FBXL20: variants seen among roughly 807,000 people sequenced by gnomAD.
FBXL20 encodes the protein F-box/LRR-repeat protein 20.
A neutral mutation model predicts 64.0 loss-of-function variants in FBXL20; 11 were observed. That is an observed-to-expected ratio of 0.17 (90% CI 0.11 to 0.28). The LOEUF is 0.28. Among genes scored for constraint, FBXL20 ranks in the 10% least tolerant of loss-of-function variants. The pLI, the probability that FBXL20 is intolerant of heterozygous loss-of-function variation, is 1.00. For synonymous variants in FBXL20, 184 were observed against 189.0 expected (o/e 0.97, Z 0.22); for missense variants, 303 against 526.2 (o/e 0.58, Z 4.15).
intron 6 of FBXL20, among the ~76,000 whole-genome samples, chr17:39,289,521 G>A (rs2047018345): frequency 6.6e-6 from 1 of 152,052 alleles, no homozygotes; most frequent in Non-Finnish European, 1.5e-5. Context: ...GCCAGGCATG[G>A]TGACACACAC....
rs183620667 is a variant in FBXL20 at position 39,341,321 on chromosome 17, T to C, written c.104+1859A>G. Among the ~76,000 whole-genome samples, 383 of 152,298 alleles carry C rather than the reference T, an allele frequency of 2.5e-3. 3 individuals carry two copies. Among genetic ancestry groups the C allele is most frequent in the African/African-American group, 8.8e-3 (365 of 41,570 alleles). ...AGCTTAGAAAGGAACCAATTTAACC[T>C]ATAATGTATATAAGAGTTATTCCAA... On this transcript the variant is annotated intron_variant, in intron 2 of 14. Transcript: ENST00000264658.
chr17:39,276,664 C>G (rs1175759205), intron 9 of FBXL20, among the ~76,000 whole-genome samples: 1 of 151,498 alleles, frequency 6.6e-6, no homozygotes, highest in African/African-American at 2.4e-5. Context: ...CTCAGCCTCC[C>G]AAAGTGCTGG....
At chr17:39,266,065 C>CTTT (rs34822405) in intron 12 of FBXL20, among the ~76,000 whole-genome samples, 7 of 62,724 alleles carry the variant, frequency 1.1e-4, no homozygotes, top group Admixed American at 2.1e-4. Flanking sequence ...CTCATTCATT[C>CTTT]TTTTTTTTTT....
intron 10 of FBXL20, 88 bp downstream of exon 10, chr17:39,274,882 C>A (rs1225284307): frequency 4.5e-6 from 7 of 1,568,092 alleles, no homozygotes; most frequent in Non-Finnish European, 6.1e-6. Flanking sequence ...GCAGTGCCTA[C>A]CTTAAAATTC....
At position 39,268,813 on chromosome 17, in the gene FBXL20, ATC is replaced by A. The variant is rs1385300408; in HGVS notation, c.933+12_933+13del. ...TACTATACTGTATTTCTGAATTAAA[ATC>A]TACAATCTTACCTGAACACACTCTT... On this transcript the variant is annotated intron_variant, in intron 12 of 14. Coordinates refer to ENST00000264658, the MANE Select transcript of FBXL20 (RefSeq NM_032875.3). The A allele has an allele frequency of 4.3e-6, 7 of 1,609,608 alleles. No homozygotes were observed. Among genetic ancestry groups the A allele is most frequent in the Non-Finnish European group, 5.9e-6 (7 of 1,176,554 alleles).
chr17:39,262,213 C>A (rs553778085), intron 14 of FBXL20, among the ~76,000 whole-genome samples: 1 of 152,136 alleles, frequency 6.6e-6, no homozygotes, highest in Non-Finnish European at 1.5e-5. Context: ...CTGAGGCCAA[C>A]TCGAACTCAA....
chr17:39,267,441 G>A (rs2046802121), intron 12 of FBXL20, among the ~76,000 whole-genome samples: 1 of 152,148 alleles, frequency 6.6e-6, no homozygotes, highest in African/African-American at 2.4e-5. Flanking sequence ...AGTGCTTGCT[G>A]GACTTTGTTC....
At chr17:39,383,591 T>C (rs1274902865) in intron 1 of FBXL20, among the ~76,000 whole-genome samples, 2 of 62,836 alleles carry the variant, frequency 3.2e-5, no homozygotes, top group Non-Finnish European at 5.7e-5. Flanking sequence ...CTTTATATGC[T>C]TTTTTTTTTT....
chr17:39,295,846 C>T (rs1251352211), intron 6 of FBXL20, among the ~76,000 whole-genome samples: 2 of 148,144 alleles, frequency 1.4e-5, no homozygotes, highest in Non-Finnish European at 3.0e-5. Context: ...TATACAAACT[C>T]CTCCGCAGTT....
At chr17:39,309,612 G>A (rs1899155173) in intron 2 of FBXL20, among the ~76,000 whole-genome samples, 1 of 151,916 alleles carries the variant, frequency 6.6e-6, no homozygotes, top group Admixed American at 6.6e-5. Flanking sequence ...AGACCAGCCT[G>A]GCCAATATGG....
chr17:39,297,430 G>A (rs1310911125), intron 5 of FBXL20: 16 of 285,410 alleles, frequency 5.6e-5, no homozygotes, highest in East Asian at 4.8e-4. Flanking sequence ...AGAAGTAATC[G>A]CGGTTTTTGC....
intron 1 of FBXL20, among the ~76,000 whole-genome samples, chr17:39,371,456 A>C (rs1451139849): frequency 6.6e-6 from 1 of 152,040 alleles, no homozygotes; most frequent in Non-Finnish European, 1.5e-5. Flanking sequence ...GGCTGCAGGC[A>C]TTCTACAGCT....
In FBXL20 at chr17:39,285,507, T is replaced by C. The variant is rs146741024; in HGVS notation, c.465A>G (p.Ser155=). 6.2e-7 allele frequency: 1 copy of C among 1,603,684 alleles called. No individual in the cohort carries two copies. The highest frequency in any genetic ancestry group is 8.5e-7 in the Non-Finnish European group (1 of 1,174,674). Residue 155 remains serine, a synonymous_variant, in exon 7 of 15, where the codon TCA becomes TCG. Coordinates refer to ENST00000264658, the MANE Select transcript of FBXL20 (RefSeq NM_032875.3). ...GAGCTTTTAGAGACATGTTTGTTAT[T>C]GATGTACAGGAAGCCAAGTCAAGGT... ...LRHLDLASCT[S]ITNMSLKALS...
chr17:39,263,584 C>T (rs8071061), intron 14 of FBXL20, among the ~76,000 whole-genome samples: 7,888 of 150,894 alleles, frequency 0.052, 665 homozygotes, highest in African/African-American at 0.18. Context: ...GTCCTAGCTA[C>T]TGGGGATGCT....
intron 1 of FBXL20, among the ~76,000 whole-genome samples, chr17:39,370,663 C>T (rs1336544139): frequency 8.0e-5 from 12 of 149,958 alleles, no homozygotes; most frequent in Admixed American, 4.0e-4. Context: ...GGCGTGGTAG[C>T]GGGCGCCTGT....
rs898846601 is a variant in FBXL20, at chr17:39,348,776, T to C, written c.43-5535A>G. ...GTACAGTGGTCCTATCATAGACCAC[T>C]GCAGCCTTGACCTCCGGACTCAATG... On this transcript the variant is annotated intron_variant, in intron 1 of 14. Transcript: ENST00000264658. Among the ~76,000 whole-genome samples, 7 of 152,200 alleles carry C rather than the reference T, an allele frequency of 4.6e-5. No homozygotes were observed. In the East Asian group the frequency reaches 1.2e-3, roughly 25 times the overall value.
chr17:39,388,772 G>A (rs1031188886), intron 1 of FBXL20, among the ~76,000 whole-genome samples: 6 of 147,872 alleles, frequency 4.1e-5, no homozygotes, highest in African/African-American at 9.8e-5. Flanking sequence ...GTGAGCCACC[G>A]CGCCCGGCAA....
chr17:39,398,188 A>G (rs1274294030), intron 1 of FBXL20, among the ~76,000 whole-genome samples: 1 of 152,074 alleles, frequency 6.6e-6, no homozygotes, highest in Non-Finnish European at 1.5e-5. Context: ...AGGCTGAGGC[A>G]GTAGAATCGC....
intron 1 of FBXL20, among the ~76,000 whole-genome samples, chr17:39,385,659 T>C (rs1431169889): frequency 6.6e-6 from 1 of 152,112 alleles, no homozygotes; most frequent in Non-Finnish European, 1.5e-5. Flanking sequence ...TGGTAACAAT[T>C]CACAGAGACT....
Sources: allele counts gnomAD v4.1 joint callset (sites outside exome capture counted in the v4.1 genomes callset), GRCh38; gene constraint gnomAD v4.1.1; transcripts MANE v1.5; gene names NCBI Gene and HGNC (gene_info 2026-07-23, HGNC 2026-07-21).